TMC5: variants seen among roughly 807,000 people sequenced by gnomAD.
The protein encoded by TMC5 is transmembrane channel-like protein 5.
TMC5 carries 86 observed loss-of-function variants against 110.5 expected under a neutral mutation model. The ratio of observed to expected loss-of-function variants is 0.78; its 90% confidence interval spans 0.65 to 0.93. The LOEUF is 0.93. Ranked by LOEUF, TMC5 falls within the 40% of genes least tolerant of loss-of-function variation. TMC5 has a pLI of 0.00. For missense variants in TMC5, 1,144 were observed against 1,222.8 expected, an observed-to-expected ratio of 0.94 and a Z score of 0.96; for synonymous variants, 455 against 439.5, an observed-to-expected ratio of 1.04 and a Z score of -0.44.
chr16:19,483,115 C>T (rs1390611004), intron 15 of TMC5, among the ~76,000 whole-genome samples: 1 of 152,026 alleles, frequency 6.6e-6, no homozygotes, highest in Non-Finnish European at 1.5e-5. Context: ...CCTGCCTCAG[C>T]CTCCCAAAGT....
At chr16:19,486,844 A>C in intron 15 of TMC5, 101 bp from the exon 16 acceptor site, 11 of 999,872 alleles carry the variant, frequency 1.1e-5, no homozygotes, top group Non-Finnish European at 1.7e-5. Flanking sequence ...CACACAATCC[A>C]GGCCACAATA....
intron 15 of TMC5, among the ~76,000 whole-genome samples, chr16:19,483,815 G>T (rs1968673770): frequency 6.6e-6 from 1 of 150,692 alleles, no homozygotes; most frequent in African/African-American, 2.5e-5. Flanking sequence ...GCCAGGCACG[G>T]TGGCTCACGC....
In TMC5 at chr16:19,453,371, T is replaced by A. The variant is rs1034702823; in HGVS notation, c.1048+3740T>A. 1.5e-4 allele frequency among the ~76,000 whole-genome samples: 23 copies of A among 151,904 alleles called. 1 individual carries two copies. The South Asian group carries it at 1.9e-3, about 12-fold the overall frequency. ...TGGGAGGCCTAGGCGGGTGGATCAC[T>A]TGAGGTCAGGAGTTTGAGACCAGCC... On this transcript the variant is annotated intron_variant, in intron 5 of 21. Transcript: ENST00000542583.
At position 19,440,239 on chromosome 16, in the gene TMC5, G is replaced by A. The variant is rs138743748; in HGVS notation, c.201G>A (p.Gly67=). The A allele has an allele frequency of 5.9e-4, 946 of 1,613,984 alleles. 3 individuals carry two copies. The African/African-American group carries it at 0.011, about 19-fold the overall frequency. Residue 67 remains glycine (G), a synonymous_variant, in exon 3 of 22, where the codon GGG becomes GGA. Transcript: ENST00000542583. ...VASRTRPDYP[G]SLAEPNYPRS... ...CCAGAACACGTCCAGACTATCCTGG[G>A]TCTCTGGCAGAACCAAATTATCCTA...
chr16:19,441,948 C>T (rs993116086), intron 3 of TMC5, among the ~76,000 whole-genome samples: 6 of 152,272 alleles, frequency 3.9e-5, no homozygotes, highest in African/African-American at 1.2e-4. Flanking sequence ...GGATTACAGG[C>T]ATGCGCCACC....
In TMC5 at chr16:19,444,118, C is replaced by T. The variant is rs267604433; in HGVS notation, c.826C>T (p.Arg276Cys). 1.4e-4 allele frequency: 221 copies of T among 1,614,058 alleles called. 1 individual carries two copies. Among genetic ancestry groups the T allele is most frequent in the East Asian group, 8.0e-4 (36 of 44,868 alleles). Residue 276 changes from arginine to cysteine, a missense_variant, in exon 4 of 22, where the codon CGT (arginine) becomes TGT (cysteine). Transcript: ENST00000542583. ...SRTSSIQPSF[R>C]HRSDDPVGSL... is the part of the protein sequence containing the mutation. ...AACATCTTCAATCCAGCCCTCATTT[C>T]GTCACAGGAGTGATGACCCCGTGGG...
At position 19,442,300 on chromosome 16, in the gene TMC5, A is replaced by C. The variant is rs553917445; in HGVS notation, c.788+1474A>C. ...AATTTTTCCTGGGTTAAGATTTTTC[A>C]TGTTCACGTTGCCAACAAAATGTAA... is the stretch of plus-strand genomic sequence containing the variant. On this transcript the variant is annotated intron_variant, in intron 3 of 21. Transcript: ENST00000542583. 3.4e-5 allele frequency among the ~76,000 whole-genome samples: 5 copies of C among 147,816 alleles called. No individual in the cohort carries two copies. In the South Asian group the frequency reaches 1.1e-3, roughly 32 times the overall value.
chr16:19,416,000 G>C (rs1457623745), upstream of TMC5, among the ~76,000 whole-genome samples: 1 of 152,154 alleles, frequency 6.6e-6, no homozygotes, highest in Non-Finnish European at 1.5e-5. Flanking sequence ...GGGCAACGTA[G>C]AGAGACCCCA....
intron 6 of TMC5, among the ~76,000 whole-genome samples, chr16:19,461,174 TG>T (rs1968012174): frequency 6.6e-6 from 1 of 152,156 alleles, no homozygotes; most frequent in Non-Finnish European, 1.5e-5. Flanking sequence ...ACCATGGAAA[TG>T]TAAAATATTA....
At chr16:19,487,164 A>G (rs752062704) in intron 16 of TMC5, 29 bp from the exon 17 acceptor site, 1 of 1,606,204 alleles carries the variant, frequency 6.2e-7, no homozygotes, top group Admixed American at 1.7e-5. Context: ...CCGGCTGCAG[A>G]TGGGAGGTGG....
intron 1 of TMC5, among the ~76,000 whole-genome samples, chr16:19,419,299 CTGT>C (rs138192335): frequency 0.064 from 9,566 of 150,234 alleles, 978 homozygotes; most frequent in African/African-American, 0.22. Flanking sequence ...ATGCTTATTA[CTGT>C]TGTTGTTATT....
At chr16:19,496,705 T>C (rs540479150) in intron 20 of TMC5, among the ~76,000 whole-genome samples, 1 of 151,510 alleles carries the variant, frequency 6.6e-6, no homozygotes, top group Non-Finnish European at 1.5e-5. Context: ...ACCAACATGG[T>C]GAAACCCTGT....
chr16:19,431,238 C>T (rs767938092), intron 2 of TMC5, among the ~76,000 whole-genome samples: 78 of 152,088 alleles, frequency 5.1e-4, no homozygotes, highest in Admixed American at 3.5e-3. Flanking sequence ...AAGTTCACCC[C>T]GTTAGAAGAT....
intron 1 of TMC5, among the ~76,000 whole-genome samples, chr16:19,423,797 G>A (rs145285223): frequency 1.9e-3 from 291 of 152,110 alleles, no homozygotes; most frequent in African/African-American, 6.7e-3. Flanking sequence ...TGTTACCCAG[G>A]CTGGAGTGCA....
At chr16:19,463,234 A>C in intron 6 of TMC5, 46 bp from the exon 7 acceptor site, 2 of 1,401,114 alleles carry the variant, frequency 1.4e-6, no homozygotes, top group Non-Finnish European at 1.0e-6. Flanking sequence ...TGAATGAATG[A>C]GTTGCAACAT....
chr16:19,494,358 G>C lies in TMC5; in HGVS notation c.2923G>C (p.Glu975Gln). 1.2e-6 allele frequency: 2 copies of C among 1,613,332 alleles called. No individual in the cohort carries two copies. The highest frequency in any genetic ancestry group is 2.2e-5 in the East Asian group (1 of 44,838). The stretch of plus-strand genomic sequence containing the variant: ...CAGCTCACTTGTTCTGGAAAGGAGA[G>C]AGGTGGAGGTGAGTCTGGAGGCTGC... ...NPSSLVLERR[E>Q]VEQQGFLHLG... is the part of the protein sequence containing the mutation. The change falls in exon 20 of 22, where the codon GAG becomes CAG. Residue 975 changes from glutamate to glutamine, a missense_variant. Glu to Gln is a conservative substitution (Grantham distance 29, BLOSUM62 2). Transcript: ENST00000542583.
intron 2 of TMC5, among the ~76,000 whole-genome samples, chr16:19,437,991 A>G (rs1967385012): frequency 6.6e-6 from 1 of 152,144 alleles, no homozygotes; most frequent in South Asian, 2.1e-4. Flanking sequence ...TCATGTGACC[A>G]TCCTGACCAG....
intron 5 of TMC5, among the ~76,000 whole-genome samples, chr16:19,450,483 A>G (rs1967723210): frequency 6.6e-6 from 1 of 152,058 alleles, no homozygotes; most frequent in Non-Finnish European, 1.5e-5. Context: ...TCTTTGTAAA[A>G]CTTGCTTTTC....
In TMC5 at chr16:19,477,420, ATGT is replaced by A. The variant is rs1328502276; in HGVS notation, c.2091-16_2091-14del. On this transcript the variant is annotated splice_polypyrimidine_tract_variant and intron_variant, in intron 12 of 21. Coordinates refer to ENST00000542583, the MANE Select transcript of TMC5 (RefSeq NM_001261841.2). The stretch of plus-strand genomic sequence containing the variant: ...AGACTGCCATTGAAGGTAATCATAA[ATGT>A]TGTCTCTTCTGTTTAGAAACATCTT... The A allele has an allele frequency of 6.4e-7, 1 of 1,562,582 alleles. No homozygotes were observed. The highest frequency in any genetic ancestry group is 1.4e-5 in the African/African-American group (1 of 73,892).
Sources: gnomAD v4.1 joint callset for allele counts (sites outside exome capture counted in the v4.1 genomes callset) on GRCh38, gnomAD v4.1.1 for gene constraint, MANE v1.5 for transcripts, NCBI Gene and HGNC (gene_info 2026-07-23, HGNC 2026-07-21) for gene names.